MLLT10: variants seen among roughly 807,000 people sequenced by gnomAD.
MLLT10 encodes the protein MLLT10 histone lysine methyltransferase DOT1L cofactor.
Under a neutral mutation model 129.1 loss-of-function variants are expected in MLLT10, and 30 were observed. That is an observed-to-expected ratio of 0.23 (90% CI 0.17 to 0.32). The LOEUF (loss-of-function observed/expected upper bound fraction) is 0.32. Ranked by LOEUF, MLLT10 falls within the 10% of genes least tolerant of loss-of-function variation. The probability of loss-of-function intolerance (pLI) is 1.00; values close to 1 mark genes in which losing one functional copy is unlikely to be tolerated. For missense variants in MLLT10, 1,119 were observed against 1,268.3 expected, an observed-to-expected ratio of 0.88 and a Z score of 1.79; for synonymous variants, 490 against 446.4, an observed-to-expected ratio of 1.10 and a Z score of -1.23.
intron 14 of MLLT10, among the ~76,000 whole-genome samples, chr10:21,722,201 C>T (rs978714163): frequency 1.3e-5 from 2 of 152,120 alleles, no homozygotes; most frequent in African/African-American, 4.8e-5. Context: ...GGATATCCTT[C>T]ACTCAGCCTC....
intron 9 of MLLT10, among the ~76,000 whole-genome samples, chr10:21,663,361 G>A (rs1206175015): frequency 6.6e-6 from 1 of 151,318 alleles, no homozygotes; most frequent in African/African-American, 2.4e-5. Context: ...GTCTCTCTGT[G>A]CACTGATTTG....
chr10:21,573,852 C>T (rs2040468890), intron 3 of MLLT10, among the ~76,000 whole-genome samples: 1 of 152,138 alleles, frequency 6.6e-6, no homozygotes, highest in Non-Finnish European at 1.5e-5. Context: ...ATGTGAGCCA[C>T]CACAACTGGC....
At chr10:21,626,186 C>G in intron 8 of MLLT10, 5 of 1,606,376 alleles carry the variant, frequency 3.1e-6, no homozygotes, top group Non-Finnish European at 4.3e-6. Flanking sequence ...TGATAAGTCA[C>G]TTTCCTTGAA....
At chr10:21,724,308 A>G (rs924900302) in intron 14 of MLLT10, among the ~76,000 whole-genome samples, 6 of 152,226 alleles carry the variant, frequency 3.9e-5, no homozygotes, top group African/African-American at 7.2e-5. Flanking sequence ...ATAAACGCAC[A>G]TTTTCATGCT....
At chr10:21,701,486 C>G (rs962166507) in intron 13 of MLLT10, among the ~76,000 whole-genome samples, 2 of 151,906 alleles carry the variant, frequency 1.3e-5, no homozygotes, top group African/African-American at 4.8e-5. Flanking sequence ...TTTGCTGTAT[C>G]ACATAGGTTT....
rs2052812542 is a variant in MLLT10 at position 21,682,224 on chromosome 10, G to A, written c.1667-1G>A. 6.2e-7 allele frequency: 1 copy of A among 1,610,100 alleles called. No homozygotes were observed. The highest frequency in any genetic ancestry group is 8.5e-7 in the Non-Finnish European group (1 of 1,178,614). On this transcript the variant is annotated splice_acceptor_variant, in intron 12 of 22. Coordinates refer to ENST00000307729, the MANE Select transcript of MLLT10 (RefSeq NM_001195626.3). LOFTEE classifies it high-confidence loss of function. ...GAAGTCCTTTTTTCCTTACTTAAAA[G>A]CGTTCTCAGAGTTGCTGAATGCAAT... is the stretch of plus-strand genomic sequence containing the variant.
intron 14 of MLLT10, among the ~76,000 whole-genome samples, chr10:21,725,224 C>T (rs2057396551): frequency 6.6e-6 from 1 of 152,072 alleles, no homozygotes; most frequent in South Asian, 2.1e-4. Context: ...CCTCCTTAGC[C>T]AGCTTGTGAT....
chr10:21,561,483 C>T (rs1196325459), intron 3 of MLLT10, among the ~76,000 whole-genome samples: 2 of 152,170 alleles, frequency 1.3e-5, no homozygotes, highest in South Asian at 2.1e-4. Context: ...ATGGTCTCAA[C>T]CTCCTGACCT....
Position 21,711,551 on chromosome 10 carries a change from A to ATC in MLLT10, c.1700-2217_1700-2216dup, listed in dbSNP as rs1445329257. Among the ~76,000 whole-genome samples the ATC allele has an allele frequency of 4.1e-5, 6 of 146,792 alleles. No homozygotes were observed. The East Asian group carries it at 1.2e-3, about 30-fold the overall frequency. ...CAGCCTGTCAGCATAGTGAGACCCC[A>ATC]TCTCTTAACCCACCGACCCCACAAC... On this transcript the variant is annotated intron_variant, in intron 13 of 22. Coordinates refer to ENST00000307729, the MANE Select transcript of MLLT10 (RefSeq NM_001195626.3).
At chr10:21,637,224 A>G (rs142584141) in intron 8 of MLLT10, among the ~76,000 whole-genome samples, 30 of 152,314 alleles carry the variant, frequency 2.0e-4, no homozygotes, top group African/African-American at 5.5e-4. Context: ...AAGGTAGACA[A>G]TGTGCTTCAG....
chr10:21,559,204 C>CGAA (rs2038471807), intron 3 of MLLT10, among the ~76,000 whole-genome samples: 1 of 152,224 alleles, frequency 6.6e-6, no homozygotes, highest in African/African-American at 2.4e-5. Context: ...CTGCCTCAGC[C>CGAA]TCCCAGGAAG....
chr10:21,638,480 A>C (rs1462059254), intron 8 of MLLT10, among the ~76,000 whole-genome samples: 2 of 151,900 alleles, frequency 1.3e-5, no homozygotes, highest in African/African-American at 4.8e-5. Flanking sequence ...GAATCCTGGG[A>C]TCTTTTCCTT....
intron 3 of MLLT10, among the ~76,000 whole-genome samples, chr10:21,583,581 C>A (rs779800500): frequency 6.6e-6 from 1 of 152,164 alleles, no homozygotes; most frequent in Non-Finnish European, 1.5e-5. Context: ...ATACCACCAA[C>A]ATCTTTGGGC....
chr10:21,662,837 C>G (rs1589500710), intron 9 of MLLT10, among the ~76,000 whole-genome samples: 1 of 152,116 alleles, frequency 6.6e-6, no homozygotes, highest in Admixed American at 6.6e-5. Context: ...AACAGGAGAT[C>G]TTATATTTCT....
chr10:21,667,002 A>G (rs2050872627), intron 9 of MLLT10, among the ~76,000 whole-genome samples: 1 of 152,124 alleles, frequency 6.6e-6, no homozygotes, highest in Non-Finnish European at 1.5e-5. Context: ...CATTTATTGT[A>G]GTGTTGGTCT....
chr10:21,559,806 C>T (rs1366039408), intron 3 of MLLT10, among the ~76,000 whole-genome samples: 8 of 152,194 alleles, frequency 5.3e-5, no homozygotes, highest in Non-Finnish European at 8.8e-5. Flanking sequence ...CTGAATACTA[C>T]ATAATCCATT....
intron 9 of MLLT10, among the ~76,000 whole-genome samples, chr10:21,658,855 A>G (rs1354428585): frequency 6.6e-6 from 1 of 151,900 alleles, no homozygotes; most frequent in Non-Finnish European, 1.5e-5. Context: ...TTTAGTAGAG[A>G]TGGGGTTTCG....
intron 3 of MLLT10, among the ~76,000 whole-genome samples, chr10:21,563,427 A>T (rs1186099602): frequency 6.6e-6 from 1 of 151,910 alleles, no homozygotes; most frequent in Admixed American, 6.6e-5. Context: ...GGAGGCTGAG[A>T]CATGAGAATT....
intron 9 of MLLT10, among the ~76,000 whole-genome samples, chr10:21,668,089 C>A (rs976543522): frequency 6.6e-6 from 1 of 152,106 alleles, no homozygotes; most frequent in South Asian, 2.1e-4. Flanking sequence ...AAAGAACTTA[C>A]ATTTTTCAGT....
Sources: allele counts gnomAD v4.1 joint callset (sites outside exome capture counted in the v4.1 genomes callset), GRCh38; gene constraint gnomAD v4.1.1; transcripts MANE v1.5; gene names NCBI Gene and HGNC (gene_info 2026-07-23, HGNC 2026-07-21).